Variants in PTCHD4 observed in about 807,000 individuals in gnomAD.
PTCHD4 encodes patched domain containing 4.
PTCHD4 carries 33 observed loss-of-function variants against 58.1 expected under a neutral mutation model. The ratio of observed to expected loss-of-function variants is 0.57; its 90% CI spans 0.43 to 0.76. PTCHD4 has a LOEUF of 0.76. Ranked by LOEUF, PTCHD4 falls within the 30% of genes least tolerant of loss-of-function variation. The pLI, the probability that PTCHD4 is intolerant of heterozygous loss-of-function variation, is 0.00. For synonymous variants in PTCHD4, 478 were observed against 409.6 expected (o/e 1.17, Z -2.02); for missense variants, 1,058 against 1,027.1 (o/e 1.03, Z -0.41).
chr6:48,050,603 G>C (rs1214697738), intron 3 of PTCHD4, among the ~76,000 whole-genome samples: 1 of 151,988 alleles, frequency 6.6e-6, no homozygotes, highest in Non-Finnish European at 1.5e-5. Flanking sequence ...GGCTGTTGGT[G>C]ACAACCAAAT....
At chr6:47,996,399 C>T (rs909671837) in intron 4 of PTCHD4, among the ~76,000 whole-genome samples, 10 of 150,834 alleles carry the variant, frequency 6.6e-5, no homozygotes, top group East Asian at 2.0e-4. Flanking sequence ...CACTTGAACC[C>T]GGGAGGCAGG....
chr6:47,989,826 C>T (rs1581981125), intron 4 of PTCHD4, among the ~76,000 whole-genome samples: 1 of 152,232 alleles, frequency 6.6e-6, no homozygotes, highest in African/African-American at 2.4e-5. Context: ...ACAGAGAGGC[C>T]CCACCGGGGC....
chr6:48,006,977 G>A (rs1485576709), intron 4 of PTCHD4, among the ~76,000 whole-genome samples: 3 of 152,148 alleles, frequency 2.0e-5, no homozygotes, highest in Non-Finnish European at 2.9e-5. Flanking sequence ...GGTGGCTTAC[G>A]CCTGTAATCC....
chr6:48,097,364 C>T (rs1765495306), intron 1 of PTCHD4, among the ~76,000 whole-genome samples: 1 of 152,074 alleles, frequency 6.6e-6, no homozygotes, highest in African/African-American at 2.4e-5. Context: ...ATGAAAATCT[C>T]CTAAAAGAGG....
intron 4 of PTCHD4, among the ~76,000 whole-genome samples, chr6:47,886,803 T>C (rs1307414348): frequency 6.6e-6 from 1 of 152,240 alleles, no homozygotes; most frequent in East Asian, 1.9e-4. Context: ...GGCTGATTCC[T>C]ACTTAGCATG....
Position 47,859,698 on chromosome 6 carries a change from A to C in PTCHD4, c.*18605T>G, listed in dbSNP as rs191922895. Among the ~76,000 whole-genome samples the C allele has an allele frequency of 1.6e-4, 24 of 152,104 alleles. No individual in the cohort carries two copies. The highest frequency in any genetic ancestry group is 8.8e-5 in the Non-Finnish European group (6 of 67,956). On this transcript the variant is annotated 3_prime_UTR_variant, in exon 5 of 5. Coordinates refer to ENST00000339488, the MANE Select transcript of PTCHD4 (RefSeq NM_001384253.1). ...ACTGGGGACAGACAGACAATAAACAAATCCCATGACAAATATGAAAGAAGG... is the reference window on the plus strand; with the variant it reads ...ACTGGGGACAGACAGACAATAAACACATCCCATGACAAATATGAAAGAAGG...
chr6:47,907,936 T>C (rs927395847), intron 4 of PTCHD4, among the ~76,000 whole-genome samples: 3 of 152,098 alleles, frequency 2.0e-5, no homozygotes, highest in Middle Eastern at 3.2e-3. Flanking sequence ...GGGGAGGATT[T>C]TGGAGAGGAG....
chr6:47,956,892 G>A (rs535637685), intron 4 of PTCHD4, among the ~76,000 whole-genome samples: 17 of 152,154 alleles, frequency 1.1e-4, no homozygotes, highest in African/African-American at 4.1e-4. Flanking sequence ...CGTTGGGCGT[G>A]GTGATTCATG....
In PTCHD4 at chr6:48,068,206, A is replaced by G; in HGVS notation, c.417+24T>C. The stretch of plus-strand genomic sequence containing the variant: ...TCAACACACACAGATGGGAAAAAGT[A>G]TAATTATAGCCCTTGTGGTTCACCT... On this transcript the variant is annotated intron_variant, in intron 3 of 4. Transcript: ENST00000339488. This position sits in a 1 kb window ranked among gnomAD's most constrained non-coding sequence, Gnocchi z 4.2. The G allele has an allele frequency of 9.8e-6, 15 of 1,523,442 alleles. No individual in the cohort carries two copies. The highest frequency in any genetic ancestry group is 1.3e-5 in the Non-Finnish European group (15 of 1,135,398). The allele number at this position is 1,523,442 out of a possible 1,614,324, so 94.4% of individuals were successfully genotyped here. A position where few individuals can be genotyped will look rare whatever the true frequency, so the allele number is the denominator to read the frequency against.
chr6:47,961,477 A>G (rs1468074504), intron 4 of PTCHD4, among the ~76,000 whole-genome samples: 1 of 151,884 alleles, frequency 6.6e-6, no homozygotes, highest in East Asian at 1.9e-4. Flanking sequence ...ATTTTTTAGT[A>G]GAGACAGAGT....
In PTCHD4 at chr6:47,909,439, G is replaced by A. The variant is rs917552588; in HGVS notation, c.899-29503C>T. ...ATATTTTCTTAATATATTTAAATTA[G>A]AGACAAAAGTTATATGCTCAAAACC... On this transcript the variant is annotated intron_variant, in intron 4 of 4. Coordinates refer to ENST00000339488, the MANE Select transcript of PTCHD4 (RefSeq NM_001384253.1). Among the ~76,000 whole-genome samples the A allele has an allele frequency of 5.9e-5, 9 of 152,110 alleles. No individual in the cohort carries two copies. In the East Asian group the frequency reaches 1.7e-3, roughly 29 times the overall value.
intron 4 of PTCHD4, among the ~76,000 whole-genome samples, chr6:48,004,712 T>C (rs1272261378): frequency 6.6e-6 from 1 of 151,828 alleles, no homozygotes; most frequent in African/African-American, 2.4e-5. Context: ...AGGTCAGGAG[T>C]TTGAGACCAG....
intron 4 of PTCHD4, among the ~76,000 whole-genome samples, chr6:47,995,856 A>T (rs954616432): frequency 2.0e-5 from 3 of 152,176 alleles, no homozygotes; most frequent in African/African-American, 4.8e-5. Context: ...ACGTGCAGCC[A>T]CCCATGCTAT....
chr6:47,999,608 G>A (rs1003724486), intron 4 of PTCHD4, among the ~76,000 whole-genome samples: 7 of 152,246 alleles, frequency 4.6e-5, no homozygotes, highest in Admixed American at 6.5e-5. Context: ...GCTGGTTCAC[G>A]CTTTGGGAAA....
In PTCHD4 at chr6:48,059,740, A is replaced by T. The variant is rs1035703082; in HGVS notation, c.417+8490T>A. On this transcript the variant is annotated intron_variant, in intron 3 of 4. Coordinates refer to ENST00000339488, the MANE Select transcript of PTCHD4 (RefSeq NM_001384253.1). ...GATATACAAACCCTGACCTATGCTG[A>T]CTCTCAAGAAATTCATTACATGACC... Among the ~76,000 whole-genome samples the T allele has an allele frequency of 3.9e-5, 6 of 152,022 alleles. 1 individual carries two copies. In the East Asian group the frequency reaches 9.6e-4, roughly 24 times the overall value.
chr6:47,974,730 G>A (rs1767630918), intron 4 of PTCHD4, among the ~76,000 whole-genome samples: 1 of 152,116 alleles, frequency 6.6e-6, no homozygotes, highest in African/African-American at 2.4e-5. Flanking sequence ...GTTATTTCTT[G>A]CTGATTTTCA....
intron 4 of PTCHD4, among the ~76,000 whole-genome samples, chr6:48,002,491 C>T (rs962677820): frequency 2.6e-5 from 4 of 151,852 alleles, no homozygotes; most frequent in Admixed American, 6.6e-5. Context: ...CCATCATTGT[C>T]AGCAAACTAT....
Position 48,008,993 on chromosome 6 carries a change from C to A in PTCHD4, c.539G>T (p.Gly180Val), listed in dbSNP as rs748114295. ...CCCTATGAGGTCTTGGGTGGCAGAG[C>A]CATAGGTCTGGAGGTAGTAGGTGAT... ...IQITYYLQTY[G>V]SATQDLIGEK... The change falls in exon 4 of 5, where the codon GGC (glycine) becomes GTC (valine). Residue 180 changes from glycine to valine, a missense_variant. By Grantham distance (109) the Gly-to-Val change is moderately radical (BLOSUM62 -3). Coordinates refer to ENST00000339488, the MANE Select transcript of PTCHD4 (RefSeq NM_001384253.1). 2.5e-6 allele frequency: 4 copies of A among 1,613,922 alleles called. No homozygotes were observed. Among genetic ancestry groups the A allele is most frequent in the Non-Finnish European group, 3.4e-6 (4 of 1,179,874 alleles).
At chr6:47,989,418 T>G (rs1255396244) in intron 4 of PTCHD4, among the ~76,000 whole-genome samples, 1 of 152,200 alleles carries the variant, frequency 6.6e-6, no homozygotes, top group East Asian at 1.9e-4. Context: ...CTCCAGGGCA[T>G]GTCAGAGGTC....
Sources: allele counts gnomAD v4.1 joint callset (sites outside exome capture counted in the v4.1 genomes callset), GRCh38; gene constraint gnomAD v4.1.1; non-coding constraint Gnocchi (gnomAD v3.1); transcripts MANE v1.5; gene names NCBI Gene and HGNC (gene_info 2026-07-23, HGNC 2026-07-21).